The following KCND2 variants were observed in gnomAD, a reference collection of about 807,000 sequenced individuals.
KCND2 encodes the protein potassium voltage-gated channel subfamily D member 2, also known as A-type voltage-gated potassium channel KCND2.
KCND2 carries 16 observed loss-of-function variants against 54.4 expected under a neutral mutation model. The ratio of observed to expected loss-of-function variants is 0.29; its 90% CI spans 0.20 to 0.45. The LOEUF (loss-of-function observed/expected upper bound fraction) is 0.45. Ranked by LOEUF, KCND2 falls within the 20% of genes least tolerant of loss-of-function variation. The pLI, the probability that KCND2 is intolerant of heterozygous loss-of-function variation, is 1.00. For missense variants in KCND2, 486 were observed against 824.2 expected (o/e 0.59, Z 5.02); for synonymous variants, 317 against 310.7 (o/e 1.02, Z -0.21).
In KCND2 at chr7:120,352,457, CAT is replaced by C. The variant is rs1220901775; in HGVS notation, c.1115+76712_1115+76713del. ...ATATACAAATATATATACACACATA[CAT>C]ACACACACACACACACACACACACA... On this transcript the variant is annotated intron_variant, in intron 1 of 5. Transcript: ENST00000331113. Among the ~76,000 whole-genome samples the C allele has an allele frequency of 4.6e-4, 10 of 21,754 alleles. No individual in the cohort carries two copies. In the South Asian group the frequency reaches 0.035, roughly 76 times the overall value. 14.3% of individuals were successfully genotyped at this position (21,754 alleles called of 152,430 possible). A position where few individuals can be genotyped will look rare whatever the true frequency, so the allele number is the denominator to read the frequency against.
chr7:120,550,592 A>G (rs1489078923), intron 1 of KCND2, among the ~76,000 whole-genome samples: 2 of 152,176 alleles, frequency 1.3e-5, no homozygotes, highest in East Asian at 3.9e-4. Flanking sequence ...GAAACAGGAA[A>G]TGGTTTTACA....
chr7:120,599,157 T>A (rs534369896), intron 1 of KCND2, among the ~76,000 whole-genome samples: 1 of 152,268 alleles, frequency 6.6e-6, no homozygotes, highest in African/African-American at 2.4e-5. Context: ...TATTTTTAAA[T>A]CGTGGTTGGT....
intron 1 of KCND2, among the ~76,000 whole-genome samples, chr7:120,711,398 C>T (rs1263814895): frequency 6.6e-6 from 1 of 152,164 alleles, no homozygotes; most frequent in Non-Finnish European, 1.5e-5. Flanking sequence ...TTTGCAATGA[C>T]TTGCATTCCC....
At chr7:120,708,587 A>G (rs1281007471) in intron 1 of KCND2, among the ~76,000 whole-genome samples, 1 of 152,142 alleles carries the variant, frequency 6.6e-6, no homozygotes, top group African/African-American at 2.4e-5. Flanking sequence ...CCAGGACCAC[A>G]TTAATGTTTC....
At chr7:120,734,406 C>T (rs1175038837) in intron 2 of KCND2, among the ~76,000 whole-genome samples, 1 of 152,054 alleles carries the variant, frequency 6.6e-6, no homozygotes, top group Non-Finnish European at 1.5e-5. Context: ...CATTATTATC[C>T]TCATTTTTAT....
chr7:120,374,869 TA>T (rs1386593239), intron 1 of KCND2, among the ~76,000 whole-genome samples: 2 of 151,872 alleles, frequency 1.3e-5, no homozygotes, highest in East Asian at 3.9e-4. Context: ...GTATATCTGA[TA>T]TTTTTTTCTG....
rs543147642 is a variant in KCND2 at position 120,580,475 on chromosome 7, G to A, written c.1116-152428G>A. On this transcript the variant is annotated intron_variant, in intron 1 of 5. Coordinates refer to ENST00000331113, the MANE Select transcript of KCND2 (RefSeq NM_012281.3). ...AAGCTAGCAGACAGCAAGACAGGCCGGAAACTTGAAAACTGGCAGAACCCA... is the reference window on the plus strand; with the variant it reads ...AAGCTAGCAGACAGCAAGACAGGCCAGAAACTTGAAAACTGGCAGAACCCA... 5.3e-5 allele frequency among the ~76,000 whole-genome samples: 8 copies of A among 152,176 alleles called. No individual in the cohort carries two copies. In the East Asian group the frequency reaches 7.8e-4, roughly 15 times the overall value.
intron 1 of KCND2, among the ~76,000 whole-genome samples, chr7:120,295,035 T>G (rs1799488400): frequency 6.6e-6 from 1 of 151,910 alleles, no homozygotes; most frequent in Admixed American, 6.6e-5. Flanking sequence ...TTGGTTTTGA[T>G]GAAAATACAC....
intron 1 of KCND2, among the ~76,000 whole-genome samples, chr7:120,377,590 G>A (rs1800852682): frequency 6.6e-6 from 1 of 151,710 alleles, no homozygotes; most frequent in African/African-American, 2.4e-5. Context: ...ATAGTGTTAA[G>A]GTAACAGTTT....
chr7:120,347,706 G>T (rs2116377254), intron 1 of KCND2, among the ~76,000 whole-genome samples: 1 of 150,860 alleles, frequency 6.6e-6, no homozygotes, highest in South Asian at 2.1e-4. Flanking sequence ...GCAGTGAGGA[G>T]AGATCACACC....
chr7:120,469,837 C>A (rs1255748015), intron 1 of KCND2, among the ~76,000 whole-genome samples: 1 of 152,074 alleles, frequency 6.6e-6, no homozygotes, highest in Admixed American at 6.6e-5. Flanking sequence ...ATACTAGTGT[C>A]AGTTTACTCA....
chr7:120,537,474 C>T (rs151156376), intron 1 of KCND2, among the ~76,000 whole-genome samples: 282 of 152,308 alleles, frequency 1.9e-3, no homozygotes, highest in Middle Eastern at 0.014. Flanking sequence ...GCATTATCCC[C>T]TAACAAGAAA....
intron 1 of KCND2, among the ~76,000 whole-genome samples, chr7:120,561,629 G>A (rs1027918563): frequency 1.9e-5 from 1 of 53,920 alleles, no homozygotes; most frequent in African/African-American, 9.1e-5. Context: ...TTTTTTTTTT[G>A]AGATGGAGTT....
chr7:120,418,255 A>G (rs1045776551), intron 1 of KCND2, among the ~76,000 whole-genome samples: 10 of 152,192 alleles, frequency 6.6e-5, no homozygotes, highest in African/African-American at 2.2e-4. Context: ...TCAGAAGGTT[A>G]TATCCTCATT....
chr7:120,589,811 T>A (rs2116456256), intron 1 of KCND2, among the ~76,000 whole-genome samples: 1 of 152,322 alleles, frequency 6.6e-6, no homozygotes, highest in Admixed American at 6.5e-5. Flanking sequence ...CTCAGTTTAT[T>A]CCTATGGAAA....
intron 1 of KCND2, among the ~76,000 whole-genome samples, chr7:120,662,203 A>G (rs1164217129): frequency 6.6e-6 from 1 of 152,110 alleles, no homozygotes; most frequent in Non-Finnish European, 1.5e-5. Flanking sequence ...TTCCTCCCCT[A>G]TAGTTTTTAT....
chr7:120,711,550 T>C (rs1328850653), intron 1 of KCND2, among the ~76,000 whole-genome samples: 1 of 152,200 alleles, frequency 6.6e-6, no homozygotes, highest in Admixed American at 6.6e-5. Flanking sequence ...CGATGGAGAA[T>C]GTTAAGCTAG....
chr7:120,543,038 G>T (rs921356332), intron 1 of KCND2, among the ~76,000 whole-genome samples: 1 of 151,974 alleles, frequency 6.6e-6, no homozygotes, highest in South Asian at 2.1e-4. Context: ...CCCTCATACA[G>T]TATTGACATG....
intron 1 of KCND2, among the ~76,000 whole-genome samples, chr7:120,372,448 T>A (rs1800778166): frequency 8.2e-6 from 1 of 121,618 alleles, no homozygotes. Flanking sequence ...TTTGCTTTTT[T>A]AAAAATCTGA....
Sources: gnomAD v4.1 joint callset for allele counts (sites outside exome capture counted in the v4.1 genomes callset) on GRCh38, gnomAD v4.1.1 for gene constraint, MANE v1.5 for transcripts, NCBI Gene and HGNC (gene_info 2026-07-23, HGNC 2026-07-21) for gene names.